Variants in CLYBL observed in about 807,000 individuals in gnomAD.
CLYBL encodes citramalyl-CoA lyase, also known as citramalyl-CoA lyase, mitochondrial.
Under a neutral mutation model 38.9 loss-of-function variants are expected in CLYBL, and 31 were observed. The observed-to-expected ratio is 0.80, with a 90% CI of 0.60 to 1.08. The LOEUF (loss-of-function observed/expected upper bound fraction) is 1.08, where lower values mean the gene tolerates loss of function less well. Ranked by LOEUF, CLYBL falls within the 50% of genes least tolerant of loss-of-function variation. The pLI is 0.00. For synonymous variants in CLYBL, 171 were observed against 158.6 expected (o/e 1.08, Z -0.59); for missense variants, 434 against 411.6 (o/e 1.05, Z -0.47).
At chr13:99,646,469 T>G (rs182046510) in intron 1 of CLYBL, among the ~76,000 whole-genome samples, 1 of 151,616 alleles carries the variant, frequency 6.6e-6, no homozygotes, top group African/African-American at 2.4e-5. Context: ...TTCACCTGGG[T>G]CAGGTTCCTC....
chr13:99,632,965 G>A (rs1204603103), intron 1 of CLYBL, among the ~76,000 whole-genome samples: 2 of 150,762 alleles, frequency 1.3e-5, no homozygotes, highest in African/African-American at 2.4e-5. Flanking sequence ...TATGGGCCAG[G>A]TGCAGTGTCT....
chr13:99,735,332 C>G (rs1391220069), intron 1 of CLYBL, among the ~76,000 whole-genome samples: 1 of 151,972 alleles, frequency 6.6e-6, no homozygotes, highest in Non-Finnish European at 1.5e-5. Flanking sequence ...CAGTTAGGAC[C>G]ACAGGCGGGC....
At chr13:99,620,472 C>CT (rs1394754546) in intron 1 of CLYBL, among the ~76,000 whole-genome samples, 1 of 152,158 alleles carries the variant, frequency 6.6e-6, no homozygotes, top group African/African-American at 2.4e-5. Context: ...TTCTCAAGTG[C>CT]TATACATTTT....
chr13:99,888,135 G>A (rs572555928), intron 7 of CLYBL, among the ~76,000 whole-genome samples: 23 of 152,286 alleles, frequency 1.5e-4, no homozygotes, highest in Middle Eastern at 3.4e-3. Context: ...GATTACAGGC[G>A]TAAGCCACCA....
At chr13:99,847,440 TG>T (rs1351085524) in intron 2 of CLYBL, among the ~76,000 whole-genome samples, 4 of 152,070 alleles carry the variant, frequency 2.6e-5, no homozygotes, top group Non-Finnish European at 4.4e-5. Flanking sequence ...CCCGGAGAAG[TG>T]GGGAAACATA....
At chr13:99,896,761 G>A (rs566194823), downstream of CLYBL, 1 of 152,344 alleles carries the variant, frequency 6.6e-6, no homozygotes, top group Admixed American at 6.5e-5. Flanking sequence ...AATCAACTTT[G>A]CCGATTTCCC....
chr13:99,650,140 A>G (rs185760482), intron 1 of CLYBL, among the ~76,000 whole-genome samples: 8 of 151,966 alleles, frequency 5.3e-5, no homozygotes, highest in South Asian at 2.1e-4. Flanking sequence ...GCGGGCGCCT[A>G]TAGTCCCAGC....
At chr13:99,647,868 C>T (rs998635141) in intron 1 of CLYBL, among the ~76,000 whole-genome samples, 12 of 152,160 alleles carry the variant, frequency 7.9e-5, no homozygotes, top group Admixed American at 3.3e-4. Context: ...CAGTTGAGAA[C>T]GATTGCAAAT....
intron 1 of CLYBL, among the ~76,000 whole-genome samples, chr13:99,667,485 A>G (rs969371690): frequency 8.9e-5 from 13 of 145,454 alleles, no homozygotes; most frequent in Non-Finnish European, 1.5e-5. Flanking sequence ...AGAAGAGTGG[A>G]GAGACCACTT....
chr13:99,780,389 T>C (rs1240906019), intron 2 of CLYBL, among the ~76,000 whole-genome samples: 2 of 152,212 alleles, frequency 1.3e-5, no homozygotes, highest in Non-Finnish European at 2.9e-5. Flanking sequence ...ACAATTTCAC[T>C]CTTTTTTTTG....
chr13:99,711,452 C>T (rs896085774), intron 1 of CLYBL, among the ~76,000 whole-genome samples: 17 of 146,776 alleles, frequency 1.2e-4, no homozygotes, highest in African/African-American at 3.6e-4. Flanking sequence ...TCTCGTTGCC[C>T]AGGCTAGAGT....
chr13:99,857,944 G>C (rs1204450346), intron 2 of CLYBL, among the ~76,000 whole-genome samples: 2 of 152,190 alleles, frequency 1.3e-5, no homozygotes, highest in Non-Finnish European at 2.9e-5. Context: ...GTTGAGGGCT[G>C]TTGGCAAGTT....
intron 2 of CLYBL, among the ~76,000 whole-genome samples, chr13:99,847,000 T>C (rs1005464015): frequency 1.3e-5 from 2 of 152,162 alleles, no homozygotes; most frequent in African/African-American, 2.4e-5. Flanking sequence ...AAATTGGTTT[T>C]TGATATCTGT....
intron 1 of CLYBL, among the ~76,000 whole-genome samples, chr13:99,719,127 C>G (rs1429718346): frequency 6.7e-6 from 1 of 148,698 alleles, no homozygotes; most frequent in Non-Finnish European, 1.5e-5. Context: ...GCTGGGATTA[C>G]AGGCATGAAC....
chr13:99,751,247 GTC>G (rs1426526073), intron 1 of CLYBL, among the ~76,000 whole-genome samples: 3 of 151,404 alleles, frequency 2.0e-5, no homozygotes, highest in African/African-American at 7.3e-5. Context: ...TTTAGATGGA[GTC>G]TCACTCTGTC....
chr13:99,832,887 T>G (rs991023137), intron 2 of CLYBL, among the ~76,000 whole-genome samples: 1 of 148,136 alleles, frequency 6.8e-6, no homozygotes, highest in Admixed American at 6.7e-5. Flanking sequence ...AAAGAAAAAA[T>G]AAAAGAAAAA....
chr13:99,663,142 G>T (rs1052341777), intron 1 of CLYBL, among the ~76,000 whole-genome samples: 3 of 152,176 alleles, frequency 2.0e-5, no homozygotes, highest in African/African-American at 7.2e-5. Context: ...ACTTCTCTTA[G>T]CTCGTAGTGA....
intron 2 of CLYBL, among the ~76,000 whole-genome samples, chr13:99,836,827 G>A (rs1222284025): frequency 2.6e-5 from 4 of 152,020 alleles, no homozygotes; most frequent in African/African-American, 9.7e-5. Context: ...ACTCATAGGT[G>A]GGAATTGAAC....
intron 2 of CLYBL, among the ~76,000 whole-genome samples, chr13:99,834,635 G>C (rs1566346501): frequency 6.6e-6 from 1 of 152,192 alleles, no homozygotes; most frequent in East Asian, 1.9e-4. Context: ...CGAGGGTGTG[G>C]GCTGCCCACA....
Sources: gnomAD v4.1 joint callset for allele counts (sites outside exome capture counted in the v4.1 genomes callset) on GRCh38, gnomAD v4.1.1 for gene constraint, MANE v1.5 for transcripts, NCBI Gene and HGNC (gene_info 2026-07-23, HGNC 2026-07-21) for gene names.